Variants in TDRD9 observed in about 807,000 individuals in gnomAD.
The protein encoded by TDRD9 is tudor domain containing 9, also known as ATP-dependent RNA helicase TDRD9.
Under a neutral mutation model 172.6 loss-of-function variants are expected in TDRD9, and 124 were observed. The observed-to-expected ratio is 0.72, with a 90% confidence interval of 0.62 to 0.83. The LOEUF is 0.83. Ranked by LOEUF, TDRD9 falls within the 40% of genes least tolerant of loss-of-function variation. TDRD9 has a pLI of 0.00. For synonymous variants in TDRD9, 619 were observed against 617.1 expected, an observed-to-expected ratio of 1.00 and a Z score of -0.05; for missense variants, 1,479 against 1,714.1, an observed-to-expected ratio of 0.86 and a Z score of 2.42.
chr14:103,982,167 C>T (rs780617297), intron 7 of TDRD9, among the ~76,000 whole-genome samples: 4 of 152,180 alleles, frequency 2.6e-5, no homozygotes, highest in Non-Finnish European at 4.4e-5. Context: ...TCCCCCTCCC[C>T]ATTGTCACCA....
intron 1 of TDRD9, among the ~76,000 whole-genome samples, chr14:103,952,190 G>GTATA (rs1566734586): frequency 0.07 from 3,844 of 54,546 alleles, 146 homozygotes; most frequent in Non-Finnish European, 0.091. Flanking sequence ...GCGTGTGTGT[G>GTATA]TATATATATA....
chr14:104,038,971 A>G (rs1424247580), intron 32 of TDRD9, among the ~76,000 whole-genome samples: 1 of 152,168 alleles, frequency 6.6e-6, no homozygotes, highest in Non-Finnish European at 1.5e-5. Flanking sequence ...TGCCCAGTAT[A>G]TTAGTTCATT....
In TDRD9 at chr14:103,970,654, T is replaced by G. The variant is rs73354443; in HGVS notation, c.846+33T>G. ...TGATTTCATGAGTAACAGACATATT[T>G]AGGATTAAGATTCATTGTTTAGTTT... is the stretch of plus-strand genomic sequence containing the variant. On this transcript the variant is annotated intron_variant, in intron 6 of 35. Coordinates refer to ENST00000409874, the MANE Select transcript of TDRD9 (RefSeq NM_153046.3). 1.9e-3 allele frequency: 2,837 copies of G among 1,469,900 alleles called. 43 individuals are homozygous for G. In the African/African-American group the frequency reaches 0.035, roughly 18 times the overall value. 91.1% of individuals were successfully genotyped at this position (1,469,900 alleles called of 1,614,324 possible).
chr14:104,023,542 G>A (rs907931286), intron 24 of TDRD9, among the ~76,000 whole-genome samples: 1 of 152,226 alleles, frequency 6.6e-6, no homozygotes, highest in Non-Finnish European at 1.5e-5. Context: ...CCCAGGGCAG[G>A]AGCACTTGCT....
intron 18 of TDRD9, 41 bp downstream of exon 18, chr14:104,006,886 A>C: frequency 6.6e-7 from 1 of 1,526,160 alleles, no homozygotes. Context: ...CAGCTACCAC[A>C]GATTGTTAGT....
intron 1 of TDRD9, chr14:103,941,224 G>T: frequency 1.0e-6 from 1 of 996,450 alleles, no homozygotes; most frequent in Non-Finnish European, 1.4e-6. Flanking sequence ...TTTGCATGTT[G>T]TTTTAAAATT....
chr14:104,042,015 G>A (rs1796147484), intron 33 of TDRD9, 54 bp from the exon 34 acceptor site: 3 of 1,158,432 alleles, frequency 2.6e-6, no homozygotes, highest in African/African-American at 1.5e-5. Context: ...CTAACGGGAT[G>A]AAATTCAGTT....
chr14:103,939,414 G>A (rs2031030038), intron 1 of TDRD9, among the ~76,000 whole-genome samples: 1 of 152,074 alleles, frequency 6.6e-6, no homozygotes, highest in Non-Finnish European at 1.5e-5. Context: ...ACTTTTCGGG[G>A]CATTTATCTC....
intron 12 of TDRD9, 87 bp downstream of exon 12, chr14:103,995,894 C>T (rs1383853216): frequency 1.6e-6 from 2 of 1,231,988 alleles, no homozygotes; most frequent in South Asian, 1.5e-5. Flanking sequence ...TTGTTCTTCT[C>T]TTCCTTCCCA....
intron 8 of TDRD9, among the ~76,000 whole-genome samples, chr14:103,990,258 T>A (rs2152195623): frequency 6.6e-6 from 1 of 152,332 alleles, no homozygotes; most frequent in East Asian, 1.9e-4. Context: ...CCTGAGGTCA[T>A]AGGTGTGGCT....
intron 8 of TDRD9, among the ~76,000 whole-genome samples, chr14:103,990,172 G>T (rs143785083): frequency 0.016 from 2,471 of 152,286 alleles, 70 homozygotes; most frequent in African/African-American, 0.057. Flanking sequence ...GCAGATGTTC[G>T]CCCCTGGTTG....
At chr14:103,928,906 A>G (rs2030164345) in intron 1 of TDRD9, 182 bp downstream of exon 1, 1 of 251,108 alleles carries the variant, frequency 4.0e-6, no homozygotes. Flanking sequence ...CGGTGCCTGT[A>G]AGGAAGCTGA....
rs2033441711 is a variant in TDRD9, at chr14:103,980,770, G to C, written c.1011+5217G>C. Among the ~76,000 whole-genome samples, 1 of 152,076 alleles carries C rather than the reference G, an allele frequency of 6.6e-6. No homozygotes were observed. ...CTAGACCACGGCTAGACCATGGTCC[G>C]CTTGGCAACGGGCGTCTTCCCAGAT... On this transcript the variant is annotated intron_variant, in intron 7 of 35. Coordinates refer to ENST00000409874, the MANE Select transcript of TDRD9 (RefSeq NM_153046.3). The surrounding 1 kb of genome is among the most constrained non-coding windows in gnomAD (Gnocchi z 4.5).
At chr14:104,022,704 G>C (rs1002968180) in intron 24 of TDRD9, among the ~76,000 whole-genome samples, 6 of 150,960 alleles carry the variant, frequency 4.0e-5, no homozygotes, top group Admixed American at 2.0e-4. Context: ...TCCAGCCTGG[G>C]CGACAGAACA....
intron 18 of TDRD9, 29 bp downstream of exon 18, chr14:104,006,874 A>G: frequency 6.4e-7 from 1 of 1,574,556 alleles, no homozygotes; most frequent in Non-Finnish European, 8.7e-7. Flanking sequence ...AAACCATGAA[A>G]GCAGCTACCA....
chr14:103,931,325 G>A (rs1249585848), intron 1 of TDRD9, among the ~76,000 whole-genome samples: 1 of 151,614 alleles, frequency 6.6e-6, no homozygotes, highest in Non-Finnish European at 1.5e-5. Flanking sequence ...TTCAACATAT[G>A]TAAAATTACT....
At chr14:104,011,957 G>A (rs2152226445) in intron 20 of TDRD9, among the ~76,000 whole-genome samples, 1 of 152,234 alleles carries the variant, frequency 6.6e-6, no homozygotes, top group Non-Finnish European at 1.5e-5. Flanking sequence ...GAGACCAGGT[G>A]CAGGCTACCA....
At chr14:104,005,110 C>T in intron 14 of TDRD9, 164 bp from the exon 15 acceptor site, 4 of 540,056 alleles carry the variant, frequency 7.4e-6, no homozygotes, top group South Asian at 6.5e-5. Flanking sequence ...GTTCTTTCTT[C>T]TTCTCTCTCC....
At chr14:104,038,897 T>A (rs546340770) in intron 32 of TDRD9, among the ~76,000 whole-genome samples, 3 of 152,196 alleles carry the variant, frequency 2.0e-5, no homozygotes. Flanking sequence ...CTCAAACTCT[T>A]GGCCTCAAGT....
Sources: gnomAD v4.1 joint callset for allele counts (sites outside exome capture counted in the v4.1 genomes callset) on GRCh38, gnomAD v4.1.1 for gene constraint, Gnocchi (gnomAD v3.1) non-coding constraint, MANE v1.5 for transcripts, NCBI Gene and HGNC (gene_info 2026-07-23, HGNC 2026-07-21) for gene names.